The following DENND4C variants were observed in gnomAD, a reference collection of about 807,000 sequenced individuals.
The protein encoded by DENND4C is DENN domain containing 4C.
DENND4C carries 108 observed loss-of-function variants against 203.0 expected under a neutral mutation model. The observed-to-expected ratio is 0.53, with a 90% CI of 0.46 to 0.62. The LOEUF is 0.62. Ranked by LOEUF, DENND4C falls within the 20% of genes least tolerant of loss-of-function variation. The pLI is 0.00. For synonymous variants in DENND4C, 871 were observed against 792.4 expected (o/e 1.10, Z -1.67); for missense variants, 2,481 against 2,301.2 (o/e 1.08, Z -1.60).
At chr9:19,254,555 G>C (rs1827458150) in intron 1 of DENND4C, among the ~76,000 whole-genome samples, 1 of 152,208 alleles carries the variant, frequency 6.6e-6, no homozygotes, top group African/African-American at 2.4e-5. Flanking sequence ...TAAAAGCAGA[G>C]CATACAAGGG....
chr9:19,266,633 A>G lies in DENND4C; in HGVS notation c.-17-9525A>G, dbSNP rs540919349. Among the ~76,000 whole-genome samples the G allele has an allele frequency of 7.3e-3, 1,118 of 152,318 alleles. 17 individuals are homozygous for G. The highest frequency in any genetic ancestry group is 0.026 in the African/African-American group (1,083 of 41,576). ...GGTACTGGTACCAAAACAGAGATAT[A>G]GACCAATGGAACAGAACAGAGCCCT... On this transcript the variant is annotated intron_variant, in intron 1 of 32. Transcript: ENST00000434457.
chr9:19,352,799 A>T (rs1824447868), intron 26 of DENND4C, 134 bp downstream of exon 26: 1 of 570,070 alleles, frequency 1.8e-6, no homozygotes, highest in African/African-American at 1.9e-5. Context: ...TTTGAGTAGC[A>T]AATACTAGTA....
intron 2 of DENND4C, among the ~76,000 whole-genome samples, chr9:19,281,513 A>T: frequency 6.6e-6 from 1 of 152,224 alleles, no homozygotes; most frequent in East Asian, 1.9e-4. Context: ...GTTTAATATG[A>T]AACACTGTTG....
At chr9:19,348,381 G>T (rs1471387764) in intron 23 of DENND4C, among the ~76,000 whole-genome samples, 1 of 152,142 alleles carries the variant, frequency 6.6e-6, no homozygotes, top group Admixed American at 6.5e-5. Flanking sequence ...GTTCAGGTTG[G>T]GGGCTATCCA....
At position 19,342,621 on chromosome 9, in the gene DENND4C, AT is replaced by A. The variant is rs759945304; in HGVS notation, c.3005-5del. 1.5e-5 allele frequency: 23 copies of A among 1,578,358 alleles called. No homozygotes were observed. The highest frequency in any genetic ancestry group is 9.4e-5 in the South Asian group (8 of 84,692). ...AAAGTAGGAATGATAACATCCAAAT[AT>A]TTTTTTCCAGAGGTGTGTGATGCCT... is the stretch of plus-strand genomic sequence containing the variant. On this transcript the variant is annotated splice_polypyrimidine_tract_variant and intron_variant, in intron 21 of 32. Coordinates refer to ENST00000434457, the MANE Select transcript of DENND4C (RefSeq NM_001330640.2).
intron 10 of DENND4C, among the ~76,000 whole-genome samples, chr9:19,316,203 T>C (rs571150437): frequency 6.6e-6 from 1 of 152,292 alleles, no homozygotes; most frequent in South Asian, 2.1e-4. Flanking sequence ...AAAATATATG[T>C]TGGAAGGTTA....
At position 19,340,875 on chromosome 9, in the gene DENND4C, T is replaced by C. The variant is rs1381923902; in HGVS notation, c.2882-117T>C. The C allele has an allele frequency of 3.4e-6, 3 of 869,588 alleles. No homozygotes were observed. In the East Asian group the frequency reaches 9.6e-5, roughly 28 times the overall value. The allele number at this position is 869,588 out of a possible 1,614,324, so 53.9% of individuals were successfully genotyped here. On this transcript the variant is annotated intron_variant, in intron 20 of 32. Coordinates refer to ENST00000434457, the MANE Select transcript of DENND4C (RefSeq NM_001330640.2). ...GTTCTGTGTTCCTTGTGTGCTTTCT[T>C]GTCTTCCTTTTGTCTAACCGTAATT...
chr9:19,233,814 G>T (rs1016875149), intron 1 of DENND4C, among the ~76,000 whole-genome samples: 1 of 152,116 alleles, frequency 6.6e-6, no homozygotes, highest in Non-Finnish European at 1.5e-5. Context: ...GTGGCCTGAT[G>T]TCAGGTGATC....
At chr9:19,286,722 G>A (rs1281774193) in intron 2 of DENND4C, 47 bp from the exon 3 acceptor site, 7 of 1,192,438 alleles carry the variant, frequency 5.9e-6, no homozygotes, top group Non-Finnish European at 7.4e-6. Context: ...ATATGTATGT[G>A]TGTATGTATA....
chr9:19,231,152 G>GCCCGGAC (rs1170817133), intron 1 of DENND4C, among the ~76,000 whole-genome samples: 1 of 152,236 alleles, frequency 6.6e-6, no homozygotes, highest in Non-Finnish European at 1.5e-5. Flanking sequence ...AGGGGTCTGG[G>GCCCGGAC]CCCGGGGGAC....
intron 21 of DENND4C, among the ~76,000 whole-genome samples, chr9:19,341,862 C>T (rs1030554106): frequency 2.6e-5 from 4 of 152,078 alleles, no homozygotes; most frequent in Non-Finnish European, 4.4e-5. Context: ...TGGTGGCTCA[C>T]GCCTGTATTC....
At chr9:19,341,160 TTATTAA>T (rs1452286458) in intron 21 of DENND4C, 46 bp downstream of exon 21, 4 of 1,426,088 alleles carry the variant, frequency 2.8e-6, no homozygotes, top group Middle Eastern at 4.0e-4. Context: ...AATACCTGTA[TTATTAA>T]TAATTAAAAG....
In DENND4C at chr9:19,361,188, G is replaced by A. The variant is rs183984746; in HGVS notation, c.5407-658G>A. 1.3e-3 allele frequency among the ~76,000 whole-genome samples: 201 copies of A among 152,194 alleles called. 3 individuals are homozygous for A. The highest frequency in any genetic ancestry group is 3.9e-3 in the African/African-American group (162 of 41,522). On this transcript the variant is annotated intron_variant, in intron 29 of 32. Transcript: ENST00000434457. ...GGTAGCTATTATTCTTAACTGTTCT[G>A]TTCCCAGCTGCAATTCTCACAACCA...
intron 1 of DENND4C, among the ~76,000 whole-genome samples, chr9:19,247,608 T>C (rs959419065): frequency 6.6e-6 from 1 of 152,148 alleles, no homozygotes; most frequent in East Asian, 1.9e-4. Flanking sequence ...TTGCCCAGGC[T>C]GGTCTCGAAC....
chr9:19,306,694 T>G (rs115359393), intron 10 of DENND4C, among the ~76,000 whole-genome samples: 2,278 of 151,874 alleles, frequency 0.015, 47 homozygotes, highest in African/African-American at 0.052. Context: ...ATAAAACTTC[T>G]GGTAATCAAA....
chr9:19,298,248 C>A, intron 7 of DENND4C, 126 bp downstream of exon 7: 1 of 775,398 alleles, frequency 1.3e-6, no homozygotes, highest in Non-Finnish European at 2.1e-6. Context: ...CTTGGATTTT[C>A]TGTGCTTTGT....
chr9:19,328,817 G>C (rs990676238), intron 16 of DENND4C, among the ~76,000 whole-genome samples: 3 of 151,938 alleles, frequency 2.0e-5, no homozygotes, highest in Admixed American at 6.6e-5. Context: ...GGGAGGCCGA[G>C]GCAGGTGGAT....
At chr9:19,257,385 T>C (rs545522359) in intron 1 of DENND4C, among the ~76,000 whole-genome samples, 92 of 149,790 alleles carry the variant, frequency 6.1e-4, no homozygotes, top group South Asian at 5.9e-3. Context: ...ACACAACATA[T>C]CTAGATTTGT....
chr9:19,263,846 G>A (rs1829940695), intron 1 of DENND4C, among the ~76,000 whole-genome samples: 1 of 150,560 alleles, frequency 6.6e-6, no homozygotes. Context: ...TTTTGGTAGA[G>A]ACAGGATTTC....
Sources: allele counts gnomAD v4.1 joint callset (sites outside exome capture counted in the v4.1 genomes callset), GRCh38; gene constraint gnomAD v4.1.1; transcripts MANE v1.5; gene names NCBI Gene and HGNC (gene_info 2026-07-23, HGNC 2026-07-21).